The following PREX2 variants were observed in gnomAD, a reference collection of about 807,000 sequenced individuals.
PREX2 encodes phosphatidylinositol-3,4,5-trisphosphate dependent Rac exchange factor 2, also known as phosphatidylinositol 3,4,5-trisphosphate-dependent Rac exchanger 2 protein.
A neutral mutation model predicts 203.2 loss-of-function variants in PREX2; 107 were observed. The observed-to-expected ratio is 0.53, with a 90% CI of 0.45 to 0.62. The LOEUF is 0.62. Among genes scored for constraint, PREX2 ranks in the 20% least tolerant of loss-of-function variants. The pLI, the probability that PREX2 is intolerant of heterozygous loss-of-function variation, is 0.00. For synonymous variants in PREX2, 672 were observed against 663.6 expected (o/e 1.01, Z -0.19); for missense variants, 1,777 against 1,955.9 (o/e 0.91, Z 1.72).
At chr8:68,106,682 T>C (rs749793570) in intron 23 of PREX2, among the ~76,000 whole-genome samples, 11 of 152,304 alleles carry the variant, frequency 7.2e-5, no homozygotes, top group African/African-American at 1.4e-4. Flanking sequence ...GCAATGTCAA[T>C]TTTGATATTT....
intron 34 of PREX2, among the ~76,000 whole-genome samples, chr8:68,149,116 A>T (rs1357664285): frequency 6.6e-6 from 1 of 152,262 alleles, no homozygotes; most frequent in Non-Finnish European, 1.5e-5. Flanking sequence ...TAGGAAATTT[A>T]CTAAAGTCAA....
intron 1 of PREX2, among the ~76,000 whole-genome samples, chr8:67,980,703 C>T (rs540254756): frequency 1.3e-5 from 2 of 152,190 alleles, no homozygotes; most frequent in African/African-American, 4.8e-5. Flanking sequence ...ATACTGTTCT[C>T]ATGATAGTGA....
At chr8:68,193,375 C>T (rs1229129986) in intron 37 of PREX2, among the ~76,000 whole-genome samples, 1 of 152,132 alleles carries the variant, frequency 6.6e-6, no homozygotes, top group Non-Finnish European at 1.5e-5. Flanking sequence ...AGTTTTGTTA[C>T]ATAGGTATAC....
At chr8:68,026,755 T>C (rs549728078) in intron 4 of PREX2, among the ~76,000 whole-genome samples, 2 of 152,224 alleles carry the variant, frequency 1.3e-5, no homozygotes, top group East Asian at 3.9e-4. Context: ...AGAGGAAAAC[T>C]AGAATTCTGA....
intron 1 of PREX2, among the ~76,000 whole-genome samples, chr8:68,015,921 C>A (rs1807398182): frequency 6.6e-6 from 1 of 152,040 alleles, no homozygotes. Context: ...AGATTGATAT[C>A]CAATACATGT....
chr8:68,031,936 A>T (rs1314704899), intron 6 of PREX2, among the ~76,000 whole-genome samples: 2 of 152,214 alleles, frequency 1.3e-5, no homozygotes, highest in East Asian at 3.9e-4. Context: ...CAAAAACTTC[A>T]GAGATTTTTT....
chr8:68,155,728 C>CT (rs1216607504), intron 34 of PREX2, among the ~76,000 whole-genome samples: 2 of 152,164 alleles, frequency 1.3e-5, no homozygotes, highest in African/African-American at 4.8e-5. Context: ...ATTCCTGTTA[C>CT]TGGCAACCTT....
chr8:68,113,217 C>T lies in PREX2; in HGVS notation c.3147-2536C>T, dbSNP rs574651196. 8.1e-4 allele frequency among the ~76,000 whole-genome samples: 123 copies of T among 152,226 alleles called. 2 individuals carry two copies. Among genetic ancestry groups the T allele is most frequent in the Non-Finnish European group, 1.5e-3 (103 of 68,014 alleles). ...GTTTGTAAGCCTAACACTTGTCCCA[C>T]GGGGTCAATGCAAGCATGATTGCAG... On this transcript the variant is annotated intron_variant, in intron 25 of 39. Coordinates refer to ENST00000288368, the MANE Select transcript of PREX2 (RefSeq NM_024870.4).
chr8:68,105,681 T>TATA (rs57440333), intron 23 of PREX2: 3,350 of 253,546 alleles, frequency 0.013, 49 homozygotes, highest in African/African-American at 0.015. Flanking sequence ...TATATATGGA[T>TATA]TATATATATA....
In PREX2 at chr8:68,049,888, T is replaced by G. The variant is rs540895176; in HGVS notation, c.944-3209T>G. On this transcript the variant is annotated intron_variant, in intron 8 of 39. Transcript: ENST00000288368. The stretch of plus-strand genomic sequence containing the variant: ...TATATGAAGATATTGAACAATGTGC[T>G]ATGATTAAAATTGTGAAGCTATTAT... Among the ~76,000 whole-genome samples, 8 of 152,232 alleles carry G rather than the reference T, an allele frequency of 5.3e-5. No individual in the cohort carries two copies. The East Asian group carries it at 1.5e-3, about 29-fold the overall frequency.
chr8:68,093,748 G>A (rs2129612376), intron 21 of PREX2, 26 bp downstream of exon 21: 4 of 1,221,706 alleles, frequency 3.3e-6, no homozygotes, highest in South Asian at 2.5e-5. Context: ...TCTTCTTCAT[G>A]TGCTTATAGT....
At position 68,191,418 on chromosome 8, in the gene PREX2, T is replaced by C. The variant is rs181153037; in HGVS notation, c.4347-304T>C. Among the ~76,000 whole-genome samples the C allele has an allele frequency of 4.6e-5, 7 of 152,338 alleles. No homozygotes were observed. In the East Asian group the frequency reaches 1.3e-3, roughly 29 times the overall value. On this transcript the variant is annotated intron_variant, in intron 35 of 39. Transcript: ENST00000288368. ...TTCTACATATTTTATCTGCATTAACTCATTTAATCTTGGCAGTCTTATGAA... is the reference window on the plus strand; with the variant it reads ...TTCTACATATTTTATCTGCATTAACCCATTTAATCTTGGCAGTCTTATGAA...
intron 35 of PREX2, among the ~76,000 whole-genome samples, chr8:68,157,641 C>A (rs1811566802): frequency 1.3e-5 from 2 of 151,848 alleles, no homozygotes; most frequent in African/African-American, 4.8e-5. Flanking sequence ...AGTGTGTTGG[C>A]ATTTTTATGC....
chr8:67,960,338 G>A (rs1805601368), intron 1 of PREX2, among the ~76,000 whole-genome samples: 1 of 152,048 alleles, frequency 6.6e-6, no homozygotes, highest in Non-Finnish European at 1.5e-5. Flanking sequence ...CACGGTGCCC[G>A]GCCGGAAGTG....
At chr8:68,133,946 A>C (rs1223225321) in intron 31 of PREX2, 113 bp from the exon 32 acceptor site, 3 of 785,308 alleles carry the variant, frequency 3.8e-6, no homozygotes, top group Non-Finnish European at 6.2e-6. Flanking sequence ...CATTTTTCAC[A>C]TGCGTGAGTT....
chr8:68,038,412 GC>G, intron 7 of PREX2, 120 bp downstream of exon 7: 1 of 1,001,352 alleles, frequency 1.0e-6, no homozygotes, highest in Non-Finnish European at 1.5e-6. Context: ...GCTTCCCAGA[GC>G]CCATCATCCA....
Position 67,975,694 on chromosome 8 carries a change from C to CTTTTTTTTTTTTTTTTTT in PREX2, c.141+23169_141+23186dup, listed in dbSNP as rs67614434. ...TCAGGATAGTAACTGATTTCTCTTT[C>CTTTTTTTTTTTTTTTTTT]TTTTTTTTTTTTTTTTTTTTTTTTT... On this transcript the variant is annotated intron_variant, in intron 1 of 39. Coordinates refer to ENST00000288368, the MANE Select transcript of PREX2 (RefSeq NM_024870.4). Among the ~76,000 whole-genome samples, 10 of 74,990 alleles carry CTTTTTTTTTTTTTTTTTT rather than the reference C, an allele frequency of 1.3e-4. 3 individuals are homozygous for CTTTTTTTTTTTTTTTTTT. The highest frequency in any genetic ancestry group is 3.6e-4 in the African/African-American group (6 of 16,840). 49.2% of individuals were successfully genotyped at this position (74,990 alleles called of 152,430 possible). A position where few individuals can be genotyped will look rare whatever the true frequency, so the allele number is the denominator to read the frequency against.
chr8:68,110,943 C>A (rs1168309797), intron 25 of PREX2: 1 of 432,728 alleles, frequency 2.3e-6, no homozygotes, highest in Non-Finnish European at 4.6e-6. Flanking sequence ...TGAATTAAAC[C>A]GTTCAAGATT....
At chr8:68,186,545 G>C (rs1156601815) in intron 35 of PREX2, among the ~76,000 whole-genome samples, 1 of 152,056 alleles carries the variant, frequency 6.6e-6, no homozygotes, top group African/African-American at 2.4e-5. Flanking sequence ...ATGGAGTCTT[G>C]CTCTGTTGCC....
Sources: allele counts gnomAD v4.1 joint callset (sites outside exome capture counted in the v4.1 genomes callset), GRCh38; gene constraint gnomAD v4.1.1; transcripts MANE v1.5; gene names NCBI Gene and HGNC (gene_info 2026-07-23, HGNC 2026-07-21).